FBN1: variants seen among roughly 807,000 people sequenced by gnomAD.
FBN1 encodes the protein fibrillin-1.
FBN1 carries 29 observed loss-of-function variants against 365.1 expected under a neutral mutation model. That is an observed-to-expected ratio of 0.08 (90% CI 0.06 to 0.11). The LOEUF (loss-of-function observed/expected upper bound fraction) is 0.11. Among genes scored for constraint, FBN1 ranks in the 10% least tolerant of loss-of-function variants. The probability of loss-of-function intolerance (pLI) is 1.00; values close to 1 mark genes in which losing one functional copy is unlikely to be tolerated. For synonymous variants in FBN1, 1,210 were observed against 1,270.5 expected, an observed-to-expected ratio of 0.95 and a Z score of 1.01; for missense variants, 2,476 against 3,703.2, an observed-to-expected ratio of 0.67 and a Z score of 8.60.
intron 53 of FBN1, among the ~76,000 whole-genome samples, chr15:48,435,742 G>GTA (rs374142157): frequency 0.022 from 2,609 of 119,920 alleles, 27 homozygotes; most frequent in East Asian, 0.064. Flanking sequence ...ATATATGTGT[G>GTA]TATATATATG....
chr15:48,523,744 A>T (rs1160887442), intron 9 of FBN1, among the ~76,000 whole-genome samples: 1 of 141,614 alleles, frequency 7.1e-6, no homozygotes, highest in Non-Finnish European at 1.5e-5. Context: ...GTGGTATGTC[A>T]CTTTGTACAG....
In FBN1 at chr15:48,447,468, G is replaced by A. The variant is rs7168658; in HGVS notation, c.5672-646C>T. On this transcript the variant is annotated intron_variant, in intron 46 of 65. Coordinates refer to ENST00000316623, the MANE Select transcript of FBN1 (RefSeq NM_000138.5). ...TTCTTATTCGCCTTTTGATTGGTCCGTACTTTTCTCTGATGATTTTGTAAA... is the reference window on the plus strand; with the variant it reads ...TTCTTATTCGCCTTTTGATTGGTCCATACTTTTCTCTGATGATTTTGTAAA... Among the ~76,000 whole-genome samples the A allele has an allele frequency of 0.016, 2,504 of 152,132 alleles. 207 individuals carry two copies. In the East Asian group the frequency reaches 0.24, roughly 15 times the overall value.
intron 60 of FBN1, among the ~76,000 whole-genome samples, chr15:48,424,354 G>A (rs1049157065): frequency 6.6e-6 from 1 of 152,084 alleles, no homozygotes; most frequent in Non-Finnish European, 1.5e-5. Context: ...AAGAGGTCAA[G>A]AGCCCAACTT....
At position 48,577,844 on chromosome 15, in the gene FBN1, C is replaced by A. The variant is rs563891186; in HGVS notation, c.538+18439G>T. 4.6e-5 allele frequency among the ~76,000 whole-genome samples: 7 copies of A among 152,296 alleles called. No individual in the cohort carries two copies. In the East Asian group the frequency reaches 1.2e-3, roughly 25 times the overall value. On this transcript the variant is annotated intron_variant, in intron 6 of 65. Coordinates refer to ENST00000316623, the MANE Select transcript of FBN1 (RefSeq NM_000138.5). ...TCGTCCTTTTTGCAACGCCTTCCTA[C>A]AAGGTCTCAGGTGCCATATGCCGCT...
At chr15:48,573,053 G>C (rs931277320) in intron 6 of FBN1, among the ~76,000 whole-genome samples, 1 of 152,152 alleles carries the variant, frequency 6.6e-6, no homozygotes. Flanking sequence ...ATGAGCCAGC[G>C]AGGTGGGAAA....
chr15:48,600,051 G>T, intron 5 of FBN1, 88 bp downstream of exon 5: 1 of 951,718 alleles, frequency 1.1e-6, no homozygotes, highest in Non-Finnish European at 1.7e-6. Context: ...CCAGGTAATC[G>T]AAGAAAATCC....
At chr15:48,509,493 A>G (rs2043740797) in intron 14 of FBN1, among the ~76,000 whole-genome samples, 1 of 147,714 alleles carries the variant, frequency 6.8e-6, no homozygotes, top group African/African-American at 2.4e-5. Context: ...TATATTTTAG[A>G]TATATATTAT....
At chr15:48,567,144 A>G (rs940098024) in intron 6 of FBN1, among the ~76,000 whole-genome samples, 1 of 152,218 alleles carries the variant, frequency 6.6e-6, no homozygotes, top group African/African-American at 2.4e-5. Context: ...CAGATTTGTG[A>G]GAACTGTTTT....
intron 6 of FBN1, among the ~76,000 whole-genome samples, chr15:48,569,030 C>T (rs778058006): frequency 1.3e-5 from 2 of 151,852 alleles, no homozygotes; most frequent in East Asian, 1.9e-4. Flanking sequence ...CTTCAAAAGG[C>T]GCCATTACGA....
chr15:48,432,718 G>A, intron 55 of FBN1, 148 bp downstream of exon 55: 2 of 980,846 alleles, frequency 2.0e-6, no homozygotes, highest in Non-Finnish European at 3.1e-6. Flanking sequence ...CAATTTAGGG[G>A]GAAACGTGGC....
chr15:48,513,339 T>C (rs2043775599), intron 13 of FBN1, among the ~76,000 whole-genome samples: 1 of 152,230 alleles, frequency 6.6e-6, no homozygotes, highest in Non-Finnish European at 1.5e-5. Context: ...CCTTCAGGCA[T>C]AGACGCATCT....
rs773288488 is a variant in FBN1 at position 48,503,818 on chromosome 15, T to C, written c.2082A>G (p.Glu694=). 4 of 1,613,906 alleles carry C rather than the reference T, an allele frequency of 2.5e-6. No individual in the cohort carries two copies. In the Admixed American group the frequency reaches 5.0e-5, roughly 20 times the overall value. Residue 694 remains glutamate (E), a synonymous_variant, in exon 17 of 66, where the codon GAA becomes GAG. Transcript: ENST00000316623. ...TCTGTGCAGGACACGGCTGGCAAGG[T>C]TCCCCAAATGCATACTCAGTGCTGG... ...CCASTEYAFG[E]PCQPCPAQNS...
At chr15:48,421,824 T>C in intron 61 of FBN1, 128 bp downstream of exon 61, 1 of 1,170,506 alleles carries the variant, frequency 8.5e-7, no homozygotes, top group Non-Finnish European at 1.3e-6. Context: ...ACAGGTGTGC[T>C]CACACATACA....
intron 4 of FBN1, among the ~76,000 whole-genome samples, chr15:48,601,176 C>G (rs1251808113): frequency 6.6e-6 from 1 of 152,126 alleles, no homozygotes; most frequent in African/African-American, 2.4e-5. Context: ...GCCTTAGACC[C>G]CAGACAATGA....
intron 2 of FBN1, among the ~76,000 whole-genome samples, chr15:48,639,009 T>G (rs1164826859): frequency 6.6e-6 from 1 of 152,248 alleles, no homozygotes; most frequent in Non-Finnish European, 1.5e-5. Context: ...GTTTTATTAA[T>G]GTCTTTGCAG....
intron 35 of FBN1, among the ~76,000 whole-genome samples, chr15:48,470,966 A>G (rs550741929): frequency 6.6e-6 from 1 of 152,286 alleles, no homozygotes; most frequent in African/African-American, 2.4e-5. Flanking sequence ...TCTCTATTAC[A>G]TGCCAAGCAG....
At chr15:48,619,371 C>T (rs1337758449) in intron 2 of FBN1, among the ~76,000 whole-genome samples, 1 of 151,922 alleles carries the variant, frequency 6.6e-6, no homozygotes, top group Non-Finnish European at 1.5e-5. Flanking sequence ...AGCTTTATCC[C>T]CTTCTTGCCT....
intron 6 of FBN1, among the ~76,000 whole-genome samples, chr15:48,556,722 C>T (rs527794937): frequency 2.6e-5 from 4 of 152,124 alleles, no homozygotes; most frequent in Non-Finnish European, 5.9e-5. Context: ...CCAACCCTGC[C>T]CATTCTTAGC....
intron 50 of FBN1, among the ~76,000 whole-genome samples, chr15:48,439,493 G>A (rs2043097065): frequency 6.6e-6 from 1 of 152,132 alleles, no homozygotes; most frequent in Non-Finnish European, 1.5e-5. Flanking sequence ...CAAGTTCTTT[G>A]TCACATATAA....
Sources: allele counts gnomAD v4.1 joint callset (sites outside exome capture counted in the v4.1 genomes callset), GRCh38; gene constraint gnomAD v4.1.1; transcripts MANE v1.5; gene names NCBI Gene and HGNC (gene_info 2026-07-23, HGNC 2026-07-21).